The following CCER2 variants were observed in gnomAD, a reference collection of about 807,000 sequenced individuals.
The protein encoded by CCER2 is coiled-coil domain-containing glutamate-rich protein 2.
In CCER2, 20 loss-of-function variants were observed where a neutral mutation model predicts 27.1. That is an observed-to-expected ratio of 0.74 (90% CI 0.52 to 1.07). CCER2 has a LOEUF of 1.07. Ranked by LOEUF, CCER2 falls within the 50% of genes least tolerant of loss-of-function variation. The pLI, the probability that CCER2 is intolerant of heterozygous loss-of-function variation, is 0.00. For missense variants in CCER2, 351 were observed against 344.7 expected, an observed-to-expected ratio of 1.02 and a Z score of -0.14; for synonymous variants, 140 against 144.3, an observed-to-expected ratio of 0.97 and a Z score of 0.21.
intron 4 of CCER2, 94 bp from the exon 5 acceptor site, chr19:38,909,419 G>A (rs1356708108): frequency 9.0e-7 from 1 of 1,117,296 alleles, no homozygotes; most frequent in African/African-American, 1.5e-5. Flanking sequence ...TCTCATAGTG[G>A]CATCCAGCAG....
In CCER2 at chr19:38,911,802, C is replaced by T; in HGVS notation, c.102+10G>A. The T allele has an allele frequency of 6.5e-7, 1 of 1,535,168 alleles. No individual in the cohort carries two copies. The highest frequency in any genetic ancestry group is 8.7e-7 in the Non-Finnish European group (1 of 1,146,588). On this transcript the variant is annotated intron_variant, in intron 2 of 4. Transcript: ENST00000571838. ...TAGGTGAGGCAGGGCAAGGCCTCCACACTCCTCACCTCCTCCTTGGAGGGT... is the reference window on the plus strand; with the variant it reads ...TAGGTGAGGCAGGGCAAGGCCTCCATACTCCTCACCTCCTCCTTGGAGGGT...
At position 38,909,854 on chromosome 19, in the gene CCER2, A is replaced by G. The variant is rs530138214; in HGVS notation, c.712-529T>C. On this transcript the variant is annotated intron_variant, in intron 4 of 4. Transcript: ENST00000571838. ...CTCCCAAAGTGCTGGGATTACAGGCACGAACCACCATGCCCAGCCATTTTT... is the reference window on the plus strand; with the variant it reads ...CTCCCAAAGTGCTGGGATTACAGGCGCGAACCACCATGCCCAGCCATTTTT... 7.0e-3 allele frequency among the ~76,000 whole-genome samples: 1,033 copies of G among 148,050 alleles called. 13 individuals are homozygous for G. Among genetic ancestry groups the G allele is most frequent in the African/African-American group, 0.024 (976 of 40,288 alleles).
At position 38,910,872 on chromosome 19, in the gene CCER2, C is replaced by G. The variant is rs1221098895; in HGVS notation, c.402G>C (p.Glu134Asp). ...TCTCCTCCTTCTCCTCCTCCTCGTC[C>G]TCCTCCTGGTGGAGCTGGCGATGCC... is the stretch of plus-strand genomic sequence containing the variant. ...MQGHRQLHQE[E>D]DEEEEKEERK... Residue 134 changes from glutamate (E) to aspartate (D), a missense_variant, in exon 4 of 5, where the codon GAG becomes GAC. Glu to Asp is a conservative substitution (Grantham distance 45). Transcript: ENST00000571838. The G allele has an allele frequency of 2.6e-6, 4 of 1,520,884 alleles. No individual in the cohort carries two copies. The highest frequency in any genetic ancestry group is 2.6e-6 in the Non-Finnish European group (3 of 1,139,064). 94.2% of individuals were successfully genotyped at this position (1,520,884 alleles called of 1,614,324 possible).
Position 38,909,316 on chromosome 19 carries a change from C to A in CCER2, c.721G>T (p.Val241Leu). ...TCTCTCAAGTGCTCCAGCTGCTCCA[C>A]CTCCTTTTCCTGGTGGGGTCAGAAA... ...EEASEREEKE[V>L]EQLEHLRDEL... Residue 241 changes from valine to leucine, a missense_variant, in exon 5 of 5, where the codon GTG becomes TTG. Transcript: ENST00000571838. 6.5e-7 allele frequency: 1 copy of A among 1,535,528 alleles called. No individual in the cohort carries two copies.
intron 3 of CCER2, 35 bp downstream of exon 3, chr19:38,911,531 T>A (rs1974307905): frequency 6.6e-7 from 1 of 1,508,934 alleles, no homozygotes; most frequent in African/African-American, 1.4e-5. Flanking sequence ...TCCCATGGGG[T>A]TGTGGAGGGC....
Position 38,912,099 on chromosome 19 carries a change from C to A in CCER2, c.60G>T (p.Ala20=). The change falls in exon 1 of 5, where the codon GCG becomes GCT. Residue 20 remains alanine (A), a splice_region_variant and synonymous_variant. Coordinates refer to ENST00000571838, the MANE Select transcript of CCER2 (RefSeq NM_001243212.2). ...LLLLRLLLLG[A]ATAAPLAPRP... is the part of the protein sequence containing the mutation. Reference sequence around the variant, plus strand: ...GCACTCGGCAGGTCCCGCACTCACCCGCCCCCAGCAGGAGCAGCCGCAGCA... The same window carrying A: ...GCACTCGGCAGGTCCCGCACTCACCAGCCCCCAGCAGGAGCAGCCGCAGCA... The A allele has an allele frequency of 6.6e-7, 1 of 1,517,750 alleles. No homozygotes were observed. Among genetic ancestry groups the A allele is most frequent in the Non-Finnish European group, 8.8e-7 (1 of 1,139,642 alleles). The allele number at this position is 1,517,750 out of a possible 1,614,324, so 94.0% of individuals were successfully genotyped here. A position where few individuals can be genotyped will look rare whatever the true frequency, so the allele number is the denominator to read the frequency against.
In CCER2 at chr19:38,910,842, C is replaced by T. The variant is rs541539156; in HGVS notation, c.432G>A (p.Lys144=). ...EDEEEEKEER[K]RGPMETFEDL... ...CCTCAAAGGTCTCCATGGGCCCCCT[C>T]TTCCTCTCCTCCTTCTCCTCCTCCT... is the stretch of plus-strand genomic sequence containing the variant. The change falls in exon 4 of 5, where the codon AAG becomes AAA. Residue 144 remains lysine, a synonymous_variant. Transcript: ENST00000571838. The T allele has an allele frequency of 2.7e-4, 407 of 1,528,200 alleles. 3 individuals carry two copies. Among genetic ancestry groups the T allele is most frequent in the South Asian group, 1.2e-3 (99 of 82,498 alleles). 94.7% of individuals were successfully genotyped at this position (1,528,200 alleles called of 1,614,324 possible). A position where few individuals can be genotyped will look rare whatever the true frequency, so the allele number is the denominator to read the frequency against.
At chr19:38,910,165 G>T (rs562901244) in intron 4 of CCER2, among the ~76,000 whole-genome samples, 6 of 152,202 alleles carry the variant, frequency 3.9e-5, no homozygotes, top group African/African-American at 1.4e-4. Flanking sequence ...TTACAGGTGT[G>T]AGCCACCATG....
At position 38,909,297 on chromosome 19, in the gene CCER2, A is replaced by G. The variant is rs764741991; in HGVS notation, c.740T>C (p.Leu247Ser). 128 of 1,534,548 alleles carry G rather than the reference A, an allele frequency of 8.3e-5. No individual in the cohort carries two copies. Among genetic ancestry groups the G allele is most frequent in the Non-Finnish European group, 1.1e-4 (125 of 1,146,006 alleles). Reference protein sequence around the residue: ...EEKEVEQLEHLRDELKKVTET... With the variant: ...EEKEVEQLEHSRDELKKVTET... Reference sequence around the variant, plus strand: ...TGTCACCTTCTTCAGTTCGTCTCTCAAGTGCTCCAGCTGCTCCACCTCCTT... The same window carrying G: ...TGTCACCTTCTTCAGTTCGTCTCTCGAGTGCTCCAGCTGCTCCACCTCCTT... The change falls in exon 5 of 5, where the codon TTG becomes TCG. Residue 247 changes from leucine (L) to serine (S), a missense_variant. Leu to Ser is a moderately radical substitution (Grantham distance 145, BLOSUM62 -2). Transcript: ENST00000571838.
At position 38,909,982 on chromosome 19, in the gene CCER2, ACCAC is replaced by A. The variant is rs1974272192; in HGVS notation, c.711+577_711+580del. On this transcript the variant is annotated intron_variant, in intron 4 of 4. Transcript: ENST00000571838. ...CAAACTCCCGGGTTCAAGCAATCCC[ACCAC>A]CTCAGCCTCCTGAGAGCTGGGACCA... Among the ~76,000 whole-genome samples the A allele has an allele frequency of 7.3e-5, 11 of 150,688 alleles. 1 individual carries two copies. The highest frequency in any genetic ancestry group is 7.3e-4 in the Admixed American group (11 of 15,082).
chr19:38,911,212 G>T (rs1974302137), intron 3 of CCER2, 129 bp from the exon 4 acceptor site: 3 of 1,016,018 alleles, frequency 3.0e-6, no homozygotes, highest in Non-Finnish European at 4.1e-6. Context: ...TCAGGAGTTT[G>T]AATTGGGAAA....
Position 38,910,611 on chromosome 19 carries a change from C to CTGGTGGCGG in CCER2, c.662_663insCCGCCACCA (p.His220_Gln221insHisArgHis). The CTGGTGGCGG allele has an allele frequency of 1.3e-6, 2 of 1,518,236 alleles. No individual in the cohort carries two copies. Among genetic ancestry groups the CTGGTGGCGG allele is most frequent in the Non-Finnish European group, 1.8e-6 (2 of 1,136,716 alleles). The allele number at this position is 1,518,236 out of a possible 1,614,324, so 94.0% of individuals were successfully genotyped here. ...TCTCCTGCCTGGGCTCAGCCTCTGG[C>CTGGTGGCGG]TGGTGGTGGTGGTGGTGGTGGTGGG... is the stretch of plus-strand genomic sequence containing the variant. On this transcript the variant is annotated inframe_insertion, in exon 4 of 5. Coordinates refer to ENST00000571838, the MANE Select transcript of CCER2 (RefSeq NM_001243212.2).
chr19:38,910,882 T>G lies in CCER2; in HGVS notation c.392A>C (p.His131Pro), dbSNP rs1206530427. The change falls in exon 4 of 5, where the codon CAC (histidine) becomes CCC (proline). Residue 131 changes from histidine (H) to proline (P), a missense_variant. Physicochemically the swap from His to Pro is moderately conservative, Grantham distance 77 (BLOSUM62 -2). Coordinates refer to ENST00000571838, the MANE Select transcript of CCER2 (RefSeq NM_001243212.2). Reference sequence around the variant, plus strand: ...CTCCTCCTCCTCGTCCTCCTCCTGGTGGAGCTGGCGATGCCCTTGCATGCG... The same window carrying G: ...CTCCTCCTCCTCGTCCTCCTCCTGGGGGAGCTGGCGATGCCCTTGCATGCG... Reference protein sequence around the residue: ...AIRMQGHRQLHQEEDEEEEKE... With the variant: ...AIRMQGHRQLPQEEDEEEEKE... 1 of 1,518,406 alleles carries G rather than the reference T, an allele frequency of 6.6e-7. No homozygotes were observed. 94.1% of individuals were successfully genotyped at this position (1,518,406 alleles called of 1,614,324 possible). A position where few individuals can be genotyped will look rare whatever the true frequency, so the allele number is the denominator to read the frequency against.
In CCER2 at chr19:38,909,233, G is replaced by T. The variant is rs1424976137; in HGVS notation, c.*3C>A. 2 of 1,535,136 alleles carry T rather than the reference G, an allele frequency of 1.3e-6. No homozygotes were observed. The highest frequency in any genetic ancestry group is 2.4e-5 in the South Asian group (2 of 84,048). On this transcript the variant is annotated 3_prime_UTR_variant, in exon 5 of 5. Transcript: ENST00000571838. ...CAGGAGGAAGGAGGGACTGAGGTAG[G>T]GGTCAGCCCTCCCTCCTGAGCTGCT...
In CCER2 at chr19:38,909,318, T is replaced by A; in HGVS notation, c.719A>T (p.Glu240Val). The A allele has an allele frequency of 6.5e-7, 1 of 1,535,426 alleles. No homozygotes were observed. The highest frequency in any genetic ancestry group is 8.7e-7 in the Non-Finnish European group (1 of 1,146,694). Reference protein sequence around the residue: ...KEEASEREEKEVEQLEHLRDE... With the variant: ...KEEASEREEKVVEQLEHLRDE... ...TCTCAAGTGCTCCAGCTGCTCCACC[T>A]CCTTTTCCTGGTGGGGTCAGAAACG... Residue 240 changes from glutamate (E) to valine (V), a missense_variant, in exon 5 of 5, where the codon GAG becomes GTG. Coordinates refer to ENST00000571838, the MANE Select transcript of CCER2 (RefSeq NM_001243212.2).
chr19:38,910,708 C>T lies in CCER2; in HGVS notation c.566G>A (p.Arg189Gln), dbSNP rs1268520950. 10 of 1,532,700 alleles carry T rather than the reference C, an allele frequency of 6.5e-6. No homozygotes were observed. The highest frequency in any genetic ancestry group is 2.4e-5 in the East Asian group (1 of 40,904). The allele number at this position is 1,532,700 out of a possible 1,614,324, so 94.9% of individuals were successfully genotyped here. ...AQFQAEEKGV[R>Q]VLGGDRSLWQ... is the part of the protein sequence containing the mutation. ...CAGGCTGCGGTCCCCGCCCAGCACC[C>T]GCACCCCCTTCTCCTCTGCCTGGAA... Residue 189 changes from arginine to glutamine, a missense_variant, in exon 4 of 5, where the codon CGG becomes CAG. Transcript: ENST00000571838.
At chr19:38,912,031 C>T (rs1734264541) in intron 1 of CCER2, 67 bp downstream of exon 1, 1 of 1,506,766 alleles carries the variant, frequency 6.6e-7, no homozygotes. Context: ...ACTGCCTGCC[C>T]CCTCCCACTG....
chr19:38,909,882 T>C (rs1600155220), intron 4 of CCER2, among the ~76,000 whole-genome samples: 1 of 151,666 alleles, frequency 6.6e-6, no homozygotes, highest in East Asian at 1.9e-4. Flanking sequence ...CCATTTTTTT[T>C]TTTTTTTTTT....
chr19:38,911,165 A>C, intron 3 of CCER2, 82 bp from the exon 4 acceptor site: 1 of 1,348,034 alleles, frequency 7.4e-7, no homozygotes, highest in Non-Finnish European at 9.7e-7. Context: ...CTGTAATCTC[A>C]GCACTTTGGG....
Sources: gnomAD v4.1 joint callset for allele counts (sites outside exome capture counted in the v4.1 genomes callset) on GRCh38, gnomAD v4.1.1 for gene constraint, MANE v1.5 for transcripts, NCBI Gene and HGNC (gene_info 2026-07-23, HGNC 2026-07-21) for gene names.